PRR12: variants seen among roughly 807,000 people sequenced by gnomAD.
PRR12 encodes the protein proline-rich protein 12.
In PRR12, 12 loss-of-function variants were observed where a neutral mutation model predicts 138.0. The ratio of observed to expected loss-of-function variants is 0.09; its 90% CI spans 0.06 to 0.14. The LOEUF (loss-of-function observed/expected upper bound fraction) is 0.14, where lower values mean the gene tolerates loss of function less well. Ranked by LOEUF, PRR12 falls within the 10% of genes least tolerant of loss-of-function variation. The pLI, the probability that PRR12 is intolerant of heterozygous loss-of-function variation, is 1.00. For missense variants in PRR12, 2,692 were observed against 2,861.3 expected (o/e 0.94, Z 1.35); for synonymous variants, 1,567 against 1,291.7 (o/e 1.21, Z -4.57).
Position 49,601,704 on chromosome 19 carries a change from C to T in PRR12, c.4559C>T (p.Ala1520Val). ...PSPPPPPPPA[A>V]APLAAPPEEP... The stretch of plus-strand genomic sequence containing the variant: ...CCTCCACCACCACCCCCACCAGCCG[C>T]TGCCCCACTGGCTGCTCCTCCTGAG... Residue 1520 changes from alanine to valine, a missense_variant, in exon 6 of 14, where the codon GCT becomes GTT. By Grantham distance (64) the Ala-to-Val change is moderately conservative. Transcript: ENST00000418929. The T allele has an allele frequency of 1.9e-6, 3 of 1,541,494 alleles. No individual in the cohort carries two copies. Among genetic ancestry groups the T allele is most frequent in the Non-Finnish European group, 2.6e-6 (3 of 1,146,462 alleles).
intron 9 of PRR12, among the ~76,000 whole-genome samples, chr19:49,618,458 G>T (rs565289968): frequency 6.6e-6 from 1 of 151,846 alleles, no homozygotes; most frequent in Non-Finnish European, 1.5e-5. Context: ...TGTAATTTCA[G>T]TTCACTGAAA....
chr19:49,615,837 C>T lies in PRR12; in HGVS notation c.5115C>T (p.Thr1705=). Residue 1705 remains threonine (T), a synonymous_variant, in exon 9 of 14, where the codon ACC becomes ACT. Coordinates refer to ENST00000418929, the MANE Select transcript of PRR12 (RefSeq NM_020719.3). ...KAPAPPPKPE[T]PEKTTSEKPP... ...CAGCACCACCTCCCAAGCCTGAGACCCCTGAAAAGACGACATCTGAGAAGC... is the reference window on the plus strand; with the variant it reads ...CAGCACCACCTCCCAAGCCTGAGACTCCTGAAAAGACGACATCTGAGAAGC... 1.2e-6 allele frequency: 2 copies of T among 1,611,290 alleles called. No homozygotes were observed. Among genetic ancestry groups the T allele is most frequent in the East Asian group, 2.2e-5 (1 of 44,812 alleles).
At position 49,599,316 on chromosome 19, in the gene PRR12, A is replaced by G; in HGVS notation, c.3723A>G (p.Ser1241=). Residue 1241 remains serine, a synonymous_variant, in exon 5 of 14, where the codon TCA becomes TCG. Transcript: ENST00000418929. The surrounding 1 kb of genome is among the most constrained non-coding windows in gnomAD (Gnocchi z 5.0). ...VPKAGEGLGT[S]SGDAISGTDH... is the part of the protein sequence containing the mutation. ...AGGCTGGCGAGGGTCTGGGAACCTC[A>G]TCGGGTGATGCCATATCAGGCACTG... 1.2e-6 allele frequency: 2 copies of G among 1,612,810 alleles called. No homozygotes were observed. The highest frequency in any genetic ancestry group is 1.7e-6 in the Non-Finnish European group (2 of 1,179,544).
At position 49,595,505 on chromosome 19, in the gene PRR12, G is replaced by C. The variant is rs748031417; in HGVS notation, c.1170G>C (p.Lys390Asn). The C allele has an allele frequency of 1.9e-6, 3 of 1,561,886 alleles. No individual in the cohort carries two copies. Among genetic ancestry groups the C allele is most frequent in the Non-Finnish European group, 2.6e-6 (3 of 1,153,954 alleles). ...CCATCATTCAGTCGCCTGGGTACAA[G>C]ACGGGCAAAGGTGGTTATGGAGCAG... is the stretch of plus-strand genomic sequence containing the variant. ...YRPIIQSPGY[K>N]TGKGGYGAAA... Residue 390 changes from lysine to asparagine, a missense_variant, in exon 4 of 14, where the codon AAG becomes AAC. This residue lies in a region of PRR12 where 523 missense variants were observed against 496.4 expected (regional missense o/e 1.05). Transcript: ENST00000418929.
At position 49,596,565 on chromosome 19, in the gene PRR12, A is replaced by G; in HGVS notation, c.2230A>G (p.Thr744Ala). 1 of 1,602,964 alleles carries G rather than the reference A, an allele frequency of 6.2e-7. No individual in the cohort carries two copies. The highest frequency in any genetic ancestry group is 8.5e-7 in the Non-Finnish European group (1 of 1,175,600). Residue 744 changes from threonine to alanine, a missense_variant, in exon 4 of 14, where the codon ACC becomes GCC. By Grantham distance (58) the Thr-to-Ala change is moderately conservative. Coordinates refer to ENST00000418929, the MANE Select transcript of PRR12 (RefSeq NM_020719.3). The surrounding 1 kb of genome is among the most constrained non-coding windows in gnomAD (Gnocchi z 5.6). ...TGGCGAGACCCCCGAGGGGCTGGCC[A>G]CCTCTGTTGTCCACTACGGGGCAGG... ...RGGETPEGLA[T>A]SVVHYGAGAK...
rs547357924 is a variant in PRR12 at position 49,614,041 on chromosome 19, G to A, written c.4774-492G>A. Reference sequence around the variant, plus strand: ...AAGAATCGGCTTGAACCCGGGAGGCGGAGGTCGCAGTGAGCTGAGATTGCG... The same window carrying A: ...AAGAATCGGCTTGAACCCGGGAGGCAGAGGTCGCAGTGAGCTGAGATTGCG... On this transcript the variant is annotated intron_variant, in intron 6 of 13. Transcript: ENST00000418929. The surrounding 1 kb of genome is among the most constrained non-coding windows in gnomAD (Gnocchi z 5.0). 6.6e-6 allele frequency among the ~76,000 whole-genome samples: 1 copy of A among 152,138 alleles called. No individual in the cohort carries two copies. The highest frequency in any genetic ancestry group is 1.5e-5 in the Non-Finnish European group (1 of 68,020).
At position 49,620,472 on chromosome 19, in the gene PRR12, C is replaced by T. The variant is rs2122372618; in HGVS notation, c.5618C>T (p.Thr1873Met). 1 of 1,559,758 alleles carries T rather than the reference C, an allele frequency of 6.4e-7. No homozygotes were observed. The highest frequency in any genetic ancestry group is 8.7e-7 in the Non-Finnish European group (1 of 1,151,888). ...GACATGATCCAGGCCCTGGAGGACA[C>T]GCATGGTGAGCTGAGGCCTGGGGAG... ...DPDMIQALED[T>M]HDELYLPPMR... The change falls in exon 10 of 14, where the codon ACG becomes ATG. Residue 1873 changes from threonine to methionine, a missense_variant. By Grantham distance (81) the Thr-to-Met change is moderately conservative (BLOSUM62 -1). This residue lies in a region of PRR12 where 116 missense variants were observed against 243.4 expected (regional missense o/e 0.48). Coordinates refer to ENST00000418929, the MANE Select transcript of PRR12 (RefSeq NM_020719.3).
rs61466559 is a variant in PRR12, at chr19:49,622,908, C to CATATATATAT, written c.5721+1298_5721+1307dup. Among the ~76,000 whole-genome samples the CATATATATAT allele has an allele frequency of 8.0e-4, 78 of 97,176 alleles. 1 individual carries two copies. The highest frequency in any genetic ancestry group is 3.4e-3 in the African/African-American group (60 of 17,714). The allele number at this position is 97,176 out of a possible 152,430, so 63.8% of individuals were successfully genotyped here. On this transcript the variant is annotated intron_variant, in intron 11 of 13. Coordinates refer to ENST00000418929, the MANE Select transcript of PRR12 (RefSeq NM_020719.3). ...CTCTGTCTCAAAAAAAAAACAAAAA[C>CATATATATAT]ATATATATATATATATATATAGAGA...
chr19:49,595,316 C>T lies in PRR12; in HGVS notation c.981C>T (p.Ala327=). Residue 327 remains alanine (A), a synonymous_variant, in exon 4 of 14, where the codon GCC becomes GCT. Coordinates refer to ENST00000418929, the MANE Select transcript of PRR12 (RefSeq NM_020719.3). Reference sequence around the variant, plus strand: ...GCTACCCCTCCATGGGCCACCGGGCCAACCTGGCCTGCAGCCCCCTGGGTG... The same window carrying T: ...GCTACCCCTCCATGGGCCACCGGGCTAACCTGGCCTGCAGCCCCCTGGGTG... ...GGSYPSMGHR[A]NLACSPLGGG... The T allele has an allele frequency of 1.3e-6, 2 of 1,545,200 alleles. No individual in the cohort carries two copies. Among genetic ancestry groups the T allele is most frequent in the Non-Finnish European group, 1.7e-6 (2 of 1,145,966 alleles).
chr19:49,597,384 G>A lies in PRR12; in HGVS notation c.3049G>A (p.Glu1017Lys), dbSNP rs1342883556. 2 of 1,537,932 alleles carry A rather than the reference G, an allele frequency of 1.3e-6. No homozygotes were observed. Among genetic ancestry groups the A allele is most frequent in the Admixed American group, 2.0e-5 (1 of 50,992 alleles). The change falls in exon 4 of 14, where the codon GAA becomes AAA. Residue 1017 changes from glutamate (E) to lysine (K), a missense_variant. Physicochemically the swap from Glu to Lys is moderately conservative, Grantham distance 56. Transcript: ENST00000418929. This position sits in a 1 kb window ranked among gnomAD's most constrained non-coding sequence, Gnocchi z 6.3. ...GLGLDPNKPP[E>K]LPSTVNAEPL... ...GGGCCTGGACCCCAACAAACCGCCT[G>A]AACTGCCCTCCACGGTCAACGCCGA...
rs752968437 is a variant in PRR12 at position 49,596,697 on chromosome 19, C to G, written c.2362C>G (p.Pro788Ala). Residue 788 changes from proline to alanine, a missense_variant, in exon 4 of 14, where the codon CCT becomes GCT. Physicochemically the swap from Pro to Ala is conservative, Grantham distance 27. This residue lies in a region of PRR12 where 840 missense variants were observed against 689.8 expected (regional missense o/e 1.22). Transcript: ENST00000418929. The surrounding 1 kb of genome is among the most constrained non-coding windows in gnomAD (Gnocchi z 5.6). ...TGGCCTCCTTCTGGAGGCCGGGGGC[C>G]CTGACCTCCCACTGGTGCTGCCTCC... The part of the protein sequence containing the change: ...PHGLLLEAGG[P>A]DLPLVLPPPP... 6.2e-7 allele frequency: 1 copy of G among 1,606,552 alleles called. No individual in the cohort carries two copies. The highest frequency in any genetic ancestry group is 8.5e-7 in the Non-Finnish European group (1 of 1,179,236).
At chr19:49,615,087 G>C in intron 8 of PRR12, 78 bp downstream of exon 8, 3 of 1,579,790 alleles carry the variant, frequency 1.9e-6, no homozygotes, top group Non-Finnish European at 2.6e-6. Context: ...AAGAGAGAAG[G>C]CTGGAGAGTG....
intron 1 of PRR12, among the ~76,000 whole-genome samples, chr19:49,592,545 T>C (rs962296139): frequency 6.6e-6 from 1 of 152,072 alleles, no homozygotes; most frequent in Non-Finnish European, 1.5e-5. Flanking sequence ...GCCCTCACAC[T>C]TCACCTATCC....
chr19:49,597,283 G>A lies in PRR12; in HGVS notation c.2948G>A (p.Gly983Asp). 2 of 1,562,964 alleles carry A rather than the reference G, an allele frequency of 1.3e-6. No homozygotes were observed. Among genetic ancestry groups the A allele is most frequent in the South Asian group, 1.2e-5 (1 of 85,260 alleles). Reference protein sequence around the residue: ...DPKAGAGPPPGPPAYDPYGPY... With the variant: ...DPKAGAGPPPDPPAYDPYGPY... ...AAGGCTGGCGCTGGGCCACCCCCCG[G>A]CCCCCCTGCTTATGATCCCTATGGG... Residue 983 changes from glycine (G) to aspartate (D), a missense_variant, in exon 4 of 14, where the codon GGC (glycine) becomes GAC (aspartate). Around this residue, in one of 11 missense-constraint regions of PRR12, gnomAD observed 840 missense variants for 689.8 expected, o/e 1.22. Transcript: ENST00000418929. The surrounding 1 kb of genome is among the most constrained non-coding windows in gnomAD (Gnocchi z 6.3).
rs368154679 is a variant in PRR12, at chr19:49,615,999, C to T, written c.5277C>T (p.Ala1759=). The T allele has an allele frequency of 5.2e-5, 80 of 1,552,794 alleles. No individual in the cohort carries two copies. Among genetic ancestry groups the T allele is most frequent in the Non-Finnish European group, 6.9e-5 (79 of 1,147,796 alleles). The part of the protein sequence containing the change: ...RGERPLRGER[A]TSGRQTRPER... Reference sequence around the variant, plus strand: ...AGCGGCCATTGCGGGGTGAGCGGGCCACCAGCGGACGGCAGACACGGCCAG... The same window carrying T: ...AGCGGCCATTGCGGGGTGAGCGGGCTACCAGCGGACGGCAGACACGGCCAG... The change falls in exon 9 of 14, where the codon GCC becomes GCT. Residue 1759 remains alanine (A), a synonymous_variant. Transcript: ENST00000418929.
In PRR12 at chr19:49,601,695, C is replaced by G. The variant is rs776766320; in HGVS notation, c.4550C>G (p.Pro1517Arg). 1 of 1,539,906 alleles carries G rather than the reference C, an allele frequency of 6.5e-7. No individual in the cohort carries two copies. Among genetic ancestry groups the G allele is most frequent in the South Asian group, 1.2e-5 (1 of 83,886 alleles). ...PAMPSPPPPP[P>R]PAAAPLAAPP... ...ATGCCCTCGCCTCCACCACCACCCC[C>G]ACCAGCCGCTGCCCCACTGGCTGCT... Residue 1517 changes from proline to arginine, a missense_variant, in exon 6 of 14, where the codon CCA becomes CGA. Physicochemically the swap from Pro to Arg is moderately radical, Grantham distance 103. Coordinates refer to ENST00000418929, the MANE Select transcript of PRR12 (RefSeq NM_020719.3).
In PRR12 at chr19:49,591,691, C is replaced by T. The variant is rs1205991540; in HGVS notation, c.37C>T (p.Pro13Ser). 1.5e-6 allele frequency: 2 copies of T among 1,353,348 alleles called. No homozygotes were observed. Among genetic ancestry groups the T allele is most frequent in the Non-Finnish European group, 1.9e-6 (2 of 1,029,284 alleles). The allele number at this position is 1,353,348 out of a possible 1,614,324, so 83.8% of individuals were successfully genotyped here. A position where few individuals can be genotyped will look rare whatever the true frequency, so the allele number is the denominator to read the frequency against. Residue 13 changes from proline to serine, a missense_variant, in exon 1 of 14, where the codon CCG becomes TCG. Physicochemically the swap from Pro to Ser is moderately conservative, Grantham distance 74. Transcript: ENST00000418929. Reference protein sequence around the residue: ...RNYPSAGFGDPLGAGAGWSYE... With the variant: ...RNYPSAGFGDSLGAGAGWSYE... ...CTACCCCAGCGCCGGCTTCGGGGAC[C>T]CGCTCGGCGCCGGGGCGGGATGGAG...
Position 49,594,485 on chromosome 19 carries a change from C to A in PRR12, c.231C>A (p.His77Gln). 1 of 1,612,186 alleles carries A rather than the reference C, an allele frequency of 6.2e-7. No homozygotes were observed. The part of the protein sequence containing the change: ...GLSGLFDTGL[H>Q]HAGSAGPDAS... ...CTGGACTCTTCGACACTGGCCTCCA[C>A]CACGCGGGCTCAGCAGGGCCCGACG... The change falls in exon 3 of 14, where the codon CAC becomes CAA. Residue 77 changes from histidine (H) to glutamine (Q), a missense_variant. Coordinates refer to ENST00000418929, the MANE Select transcript of PRR12 (RefSeq NM_020719.3). This position sits in a 1 kb window ranked among gnomAD's most constrained non-coding sequence, Gnocchi z 5.6.
Position 49,597,701 on chromosome 19 carries a change from T to G in PRR12, c.3366T>G (p.Pro1122=). Residue 1122 remains proline, a synonymous_variant, in exon 4 of 14, where the codon CCT becomes CCG. Transcript: ENST00000418929. This position sits in a 1 kb window ranked among gnomAD's most constrained non-coding sequence, Gnocchi z 6.3. ...ADIRLNPRRL[P]DLVSSCRSRP... is the part of the protein sequence containing the mutation. ...TCCGCCTCAACCCCCGGCGCTTGCC[T>G]GACCTGGTCTCCAGCTGCCGCTCCC... is the stretch of plus-strand genomic sequence containing the variant. 6.2e-7 allele frequency: 1 copy of G among 1,606,492 alleles called. No individual in the cohort carries two copies. The highest frequency in any genetic ancestry group is 8.5e-7 in the Non-Finnish European group (1 of 1,177,712).
Sources: allele counts gnomAD v4.1 joint callset (sites outside exome capture counted in the v4.1 genomes callset), GRCh38; gene constraint gnomAD v4.1.1; regional missense constraint gnomAD v4.1.1; non-coding constraint Gnocchi (gnomAD v3.1); transcripts MANE v1.5; gene names NCBI Gene and HGNC (gene_info 2026-07-23, HGNC 2026-07-21).